Variants in CUL9 observed in about 807,000 individuals in gnomAD.
CUL9 encodes cullin 9.
CUL9 carries 79 observed loss-of-function variants against 272.6 expected under a neutral mutation model. The observed-to-expected ratio is 0.29, with a 90% CI of 0.24 to 0.35. The LOEUF (loss-of-function observed/expected upper bound fraction) is 0.35, where lower values mean the gene tolerates loss of function less well. Ranked by LOEUF, CUL9 falls within the 10% of genes least tolerant of loss-of-function variation. CUL9 has a pLI of 1.00. For missense variants in CUL9, 2,532 were observed against 3,255.6 expected, an observed-to-expected ratio of 0.78 and a Z score of 5.41; for synonymous variants, 1,186 against 1,286.5, an observed-to-expected ratio of 0.92 and a Z score of 1.67.
In CUL9 at chr6:43,223,453, C is replaced by T. The variant is rs1776544704; in HGVS notation, c.7284+56C>T. ...TGCATTCTGCGGGAGTTGAGGTCCT[C>T]CTGTCCCAGCACAGCCCCTGCCCTG... On this transcript the variant is annotated intron_variant, in intron 39 of 40. Transcript: ENST00000252050. This position sits in a 1 kb window ranked among gnomAD's most constrained non-coding sequence, Gnocchi z 4.1. The T allele has an allele frequency of 1.3e-6, 2 of 1,531,702 alleles. No homozygotes were observed. Among genetic ancestry groups the T allele is most frequent in the African/African-American group, 2.8e-5 (2 of 71,846 alleles). 94.9% of individuals were successfully genotyped at this position (1,531,702 alleles called of 1,614,324 possible).
Position 43,184,605 on chromosome 6 carries a change from A to G in CUL9, c.295A>G (p.Ser99Gly). The change falls in exon 2 of 41, where the codon AGC becomes GGC. Residue 99 changes from serine (S) to glycine (G), a missense_variant. By Grantham distance (56) the Ser-to-Gly change is moderately conservative. This residue lies in a region of CUL9 where 2,218 missense variants were observed against 2,788.6 expected (regional missense o/e 0.80). Coordinates refer to ENST00000252050, the MANE Select transcript of CUL9 (RefSeq NM_015089.4). The surrounding 1 kb of genome is among the most constrained non-coding windows in gnomAD (Gnocchi z 4.8). Reference sequence around the variant, plus strand: ...GCACGAACCAGCTGGGGTTTCAGGAAGCTTTCCTCGAGATCCAGGAGGCCT... The same window carrying G: ...GCACGAACCAGCTGGGGTTTCAGGAGGCTTTCCTCGAGATCCAGGAGGCCT... ...LQHEPAGVSGSFPRDPGGLDE... is the reference protein window; with the variant it reads ...LQHEPAGVSGGFPRDPGGLDE... The G allele has an allele frequency of 1.2e-6, 2 of 1,612,606 alleles. No individual in the cohort carries two copies. Among genetic ancestry groups the G allele is most frequent in the Non-Finnish European group, 8.5e-7 (1 of 1,178,766 alleles).
In CUL9 at chr6:43,200,227, T is replaced by C; in HGVS notation, c.3384+71T>C. 6.7e-7 allele frequency: 1 copy of C among 1,493,638 alleles called. No individual in the cohort carries two copies. The highest frequency in any genetic ancestry group is 9.2e-7 in the Non-Finnish European group (1 of 1,086,498). 92.5% of individuals were successfully genotyped at this position (1,493,638 alleles called of 1,614,324 possible). ...AGCAGGAGAAGGGGATTCACTGTGT[T>C]CCTCTTTGGTATCCCTGTTTGGCAC... On this transcript the variant is annotated intron_variant, in intron 14 of 40. Transcript: ENST00000252050. The surrounding 1 kb of genome is among the most constrained non-coding windows in gnomAD (Gnocchi z 4.0).
At position 43,200,861 on chromosome 6, in the gene CUL9, T is replaced by G; in HGVS notation, c.3647+27T>G. ...TGTGAACACACATATATGAATGTTC[T>G]GCTGTGCCCCAGGATACTTCCCCAA... On this transcript the variant is annotated intron_variant, in intron 16 of 40. Transcript: ENST00000252050. This position sits in a 1 kb window ranked among gnomAD's most constrained non-coding sequence, Gnocchi z 4.0. 1 of 1,612,620 alleles carries G rather than the reference T, an allele frequency of 6.2e-7. No individual in the cohort carries two copies. The highest frequency in any genetic ancestry group is 8.5e-7 in the Non-Finnish European group (1 of 1,178,682).
chr6:43,198,308 G>A (rs1774193125), intron 11 of CUL9: 2 of 979,482 alleles, frequency 2.0e-6, no homozygotes, highest in African/African-American at 3.5e-5. Flanking sequence ...GTAGTACAGG[G>A]ATATAATCAT....
rs549138540 is a variant in CUL9 at position 43,218,734 on chromosome 6, G to T, written c.6283-1725G>T. ...GGTTAAATGTAGGGGCTTCAGACAGGGGAATCAAGGATGGTTCCTGTGCTT... is the reference window on the plus strand; with the variant it reads ...GGTTAAATGTAGGGGCTTCAGACAGTGGAATCAAGGATGGTTCCTGTGCTT... On this transcript the variant is annotated intron_variant, in intron 31 of 40. Coordinates refer to ENST00000252050, the MANE Select transcript of CUL9 (RefSeq NM_015089.4). The surrounding 1 kb of genome is among the most constrained non-coding windows in gnomAD (Gnocchi z 4.4). Among the ~76,000 whole-genome samples, 1 of 152,296 alleles carries T rather than the reference G, an allele frequency of 6.6e-6. No homozygotes were observed. The highest frequency in any genetic ancestry group is 1.9e-4 in the East Asian group (1 of 5,180).
At position 43,202,745 on chromosome 6, in the gene CUL9, A is replaced by C; in HGVS notation, c.3677A>C (p.Asp1226Ala). Reference sequence around the variant, plus strand: ...CTCACTTTGCTGGTGGCCAGTGAGGACTCAAGCTACATGCCAGCCAGGGTG... The same window carrying C: ...CTCACTTTGCTGGTGGCCAGTGAGGCCTCAAGCTACATGCCAGCCAGGGTG... ...RQLTLLVASEDSSYMPARVVV... is the reference protein window; with the variant it reads ...RQLTLLVASEASSYMPARVVV... Residue 1226 changes from aspartate to alanine, a missense_variant, in exon 17 of 41, where the codon GAC becomes GCC. This residue lies in a region of CUL9 where 2,218 missense variants were observed against 2,788.6 expected (regional missense o/e 0.80). Transcript: ENST00000252050. 6.2e-7 allele frequency: 1 copy of C among 1,613,968 alleles called. No individual in the cohort carries two copies. Among genetic ancestry groups the C allele is most frequent in the Non-Finnish European group, 8.5e-7 (1 of 1,179,982 alleles).
At chr6:43,196,296 C>T (rs776672237) in intron 10 of CUL9, 31 bp downstream of exon 10, 1 of 1,589,780 alleles carries the variant, frequency 6.3e-7, no homozygotes, top group Non-Finnish European at 8.6e-7. Flanking sequence ...ACTCCAGGCT[C>T]CTGCTTAGTC....
chr6:43,186,883 T>C (rs977512805), intron 4 of CUL9, 77 bp from the exon 5 acceptor site: 179 of 1,553,424 alleles, frequency 1.2e-4, no homozygotes, highest in Non-Finnish European at 1.4e-4. Context: ...GGGCATGTCC[T>C]TTCAAGCCTT....
At position 43,199,956 on chromosome 6, in the gene CUL9, C is replaced by T. The variant is rs1303725701; in HGVS notation, c.3184C>T (p.His1062Tyr). ...EIVQELTCFLHRLASMHKDYA... is the reference protein window; with the variant it reads ...EIVQELTCFLYRLASMHKDYA... The stretch of plus-strand genomic sequence containing the variant: ...TGTTCAGGAGCTGACCTGCTTCCTA[C>T]ATCGCCTGGCCTCGATGCATAAGGA... The change falls in exon 14 of 41, where the codon CAT (histidine) becomes TAT (tyrosine). Residue 1062 changes from histidine to tyrosine, a missense_variant. By Grantham distance (83) the His-to-Tyr change is moderately conservative. Transcript: ENST00000252050. The surrounding 1 kb of genome is among the most constrained non-coding windows in gnomAD (Gnocchi z 4.4). 2.5e-6 allele frequency: 4 copies of T among 1,614,194 alleles called. No homozygotes were observed. Among genetic ancestry groups the T allele is most frequent in the Non-Finnish European group, 2.5e-6 (3 of 1,180,012 alleles).
In CUL9 at chr6:43,213,992, C is replaced by A; in HGVS notation, c.5688+80C>A. Reference sequence around the variant, plus strand: ...TGGGGATGAACACAGTGAACTCTTTCAATATAAGACTTCTGTAGGGTGACA... The same window carrying A: ...TGGGGATGAACACAGTGAACTCTTTAAATATAAGACTTCTGTAGGGTGACA... On this transcript the variant is annotated intron_variant, in intron 29 of 40. Coordinates refer to ENST00000252050, the MANE Select transcript of CUL9 (RefSeq NM_015089.4). The surrounding 1 kb of genome is among the most constrained non-coding windows in gnomAD (Gnocchi z 5.7). 1 of 1,365,210 alleles carries A rather than the reference C, an allele frequency of 7.3e-7. No individual in the cohort carries two copies. Among genetic ancestry groups the A allele is most frequent in the Non-Finnish European group, 1.0e-6 (1 of 962,074 alleles). The allele number at this position is 1,365,210 out of a possible 1,614,324, so 84.6% of individuals were successfully genotyped here. A position where few individuals can be genotyped will look rare whatever the true frequency, so the allele number is the denominator to read the frequency against.
rs775359104 is a variant in CUL9, at chr6:43,202,725, T to C, written c.3657T>C (p.Thr1219=). The change falls in exon 17 of 41, where the codon ACT becomes ACC. Residue 1219 remains threonine, a synonymous_variant. Transcript: ENST00000252050. ...MHRGVLVRQL[T]LLVASEDSSY... ...CTTTCTTCTTTCCCAGGCAGCTCAC[T>C]TTGCTGGTGGCCAGTGAGGACTCAA... 1 of 1,614,080 alleles carries C rather than the reference T, an allele frequency of 6.2e-7. No homozygotes were observed. The highest frequency in any genetic ancestry group is 1.3e-5 in the African/African-American group (1 of 75,024).
In CUL9 at chr6:43,224,428, G is replaced by T; in HGVS notation, c.7537G>T (p.Asp2513Tyr). The change falls in exon 41 of 41, where the codon GAT (aspartate) becomes TAT (tyrosine). Residue 2513 changes from aspartate to tyrosine, a missense_variant. Asp to Tyr is a radical substitution (Grantham distance 160, BLOSUM62 -3). Coordinates refer to ENST00000252050, the MANE Select transcript of CUL9 (RefSeq NM_015089.4). This position sits in a 1 kb window ranked among gnomAD's most constrained non-coding sequence, Gnocchi z 4.2. ...FFFGDEEEDE[D>Y]EAYD ...CTTTGGTGATGAGGAAGAGGATGAA[G>T]ATGAGGCCTATGACTGAGGGGGCAG... 1 of 1,613,924 alleles carries T rather than the reference G, an allele frequency of 6.2e-7. No individual in the cohort carries two copies. Among genetic ancestry groups the T allele is most frequent in the Non-Finnish European group, 8.5e-7 (1 of 1,180,012 alleles).
rs1268662107 is a variant in CUL9 at position 43,218,323 on chromosome 6, T to G, written c.6282+1820T>G. 6.6e-6 allele frequency among the ~76,000 whole-genome samples: 1 copy of G among 152,114 alleles called. No homozygotes were observed. The highest frequency in any genetic ancestry group is 1.5e-5 in the Non-Finnish European group (1 of 68,008). On this transcript the variant is annotated intron_variant, in intron 31 of 40. Coordinates refer to ENST00000252050, the MANE Select transcript of CUL9 (RefSeq NM_015089.4). The surrounding 1 kb of genome is among the most constrained non-coding windows in gnomAD (Gnocchi z 4.4). ...CCTCCATCTCCCGGGTTCAAGCGAT[T>G]CTTCTGCCTCAGCCTCCCGAGTAGC...
In CUL9 at chr6:43,203,023, A is replaced by G. The variant is rs970117317; in HGVS notation, c.3754-86A>G. The G allele has an allele frequency of 1.2e-5, 17 of 1,462,284 alleles. No homozygotes were observed. Among genetic ancestry groups the G allele is most frequent in the Non-Finnish European group, 1.5e-5 (16 of 1,046,912 alleles). 90.6% of individuals were successfully genotyped at this position (1,462,284 alleles called of 1,614,324 possible). A position where few individuals can be genotyped will look rare whatever the true frequency, so the allele number is the denominator to read the frequency against. On this transcript the variant is annotated intron_variant, in intron 17 of 40. Coordinates refer to ENST00000252050, the MANE Select transcript of CUL9 (RefSeq NM_015089.4). This position sits in a 1 kb window ranked among gnomAD's most constrained non-coding sequence, Gnocchi z 5.0. ...GCGGGAGAAGTGAAGGGCACACACC[A>G]TGACCGACTTGGTTACTGTCAACAA...
intron 26 of CUL9, among the ~76,000 whole-genome samples, chr6:43,211,452 G>A (rs1687068228): frequency 6.6e-6 from 1 of 152,178 alleles, no homozygotes; most frequent in African/African-American, 2.4e-5. Flanking sequence ...CAGCCACTTG[G>A]GAGGCTGAGG....
Position 43,193,161 on chromosome 6 carries a change from A to C in CUL9, c.2341A>C (p.Met781Leu). 1 of 1,614,206 alleles carries C rather than the reference A, an allele frequency of 6.2e-7. No homozygotes were observed. The highest frequency in any genetic ancestry group is 1.1e-5 in the South Asian group (1 of 91,088). ...TGGCATCTATGCTGTGCTGGTCTGC[A>C]TGCAAGAATATAAGACTTCTGTCTT... ...EGGIYAVLVC[M>L]QEYKTSVLVQ... The change falls in exon 9 of 41, where the codon ATG (methionine) becomes CTG (leucine). Residue 781 changes from methionine (M) to leucine (L), a missense_variant. By Grantham distance (15) the Met-to-Leu change is conservative. Transcript: ENST00000252050.
rs577355780 is a variant in CUL9, at chr6:43,222,968, A to G, written c.7150+72A>G. On this transcript the variant is annotated intron_variant, in intron 38 of 40. Transcript: ENST00000252050. ...TGTTGCACAGCCCGGCCCCTCCCAGACAGGTCAAGCGGCACCCTTACCTTC... is the reference window on the plus strand; with the variant it reads ...TGTTGCACAGCCCGGCCCCTCCCAGGCAGGTCAAGCGGCACCCTTACCTTC... 7.5e-6 allele frequency: 10 copies of G among 1,327,392 alleles called. No individual in the cohort carries two copies. The South Asian group carries it at 1.2e-4, about 16-fold the overall frequency. The allele number at this position is 1,327,392 out of a possible 1,614,324, so 82.2% of individuals were successfully genotyped here.
rs767203267 is a variant in CUL9, at chr6:43,188,472, C to T, written c.1988-51C>T. The T allele has an allele frequency of 2.2e-5, 33 of 1,513,346 alleles. No homozygotes were observed. In the Admixed American group the frequency reaches 6.8e-4, roughly 31 times the overall value. The allele number at this position is 1,513,346 out of a possible 1,614,324, so 93.7% of individuals were successfully genotyped here. ...TGGGCTTGACTTTAAAGACTTCTAA[C>T]TTCAAGGTGCCACAGTTCTTTTAGC... On this transcript the variant is annotated intron_variant, in intron 7 of 40. Transcript: ENST00000252050.
intron 31 of CUL9, among the ~76,000 whole-genome samples, chr6:43,219,354 A>C (rs1235566792): frequency 1.3e-5 from 2 of 152,204 alleles, no homozygotes; most frequent in Non-Finnish European, 2.9e-5. Flanking sequence ...GAGCCCCACC[A>C]CTTGGGTTGG....
Sources: gnomAD v4.1 joint callset for allele counts (sites outside exome capture counted in the v4.1 genomes callset) on GRCh38, gnomAD v4.1.1 for gene constraint, gnomAD v4.1.1 regional missense constraint, Gnocchi (gnomAD v3.1) non-coding constraint, MANE v1.5 for transcripts, NCBI Gene and HGNC (gene_info 2026-07-23, HGNC 2026-07-21) for gene names.